Variants in VRK2 observed in about 807,000 individuals in gnomAD.
VRK2 encodes the protein VRK serine/threonine kinase 2.
A neutral mutation model predicts 57.6 loss-of-function variants in VRK2; 60 were observed. That is an observed-to-expected ratio of 1.04 (90% CI 0.85 to 1.29). VRK2 has a LOEUF of 1.29. Among genes scored for constraint, VRK2 ranks in the 50% most tolerant of loss-of-function variants. The probability of loss-of-function intolerance (pLI) is 0.00; values close to 1 mark genes in which losing one functional copy is unlikely to be tolerated. For synonymous variants in VRK2, 231 were observed against 199.2 expected (o/e 1.16, Z -1.35); for missense variants, 705 against 588.1 (o/e 1.20, Z -2.06).
chr2:57,980,501 T>C (rs2104047878), intron 1 of VRK2, among the ~76,000 whole-genome samples: 1 of 152,268 alleles, frequency 6.6e-6, no homozygotes. Flanking sequence ...TGAAAAAATA[T>C]ATATAAATTC....
At chr2:58,059,910 G>T (rs920455933) in intron 2 of VRK2, among the ~76,000 whole-genome samples, 6 of 151,622 alleles carry the variant, frequency 4.0e-5, no homozygotes, top group African/African-American at 1.5e-4. Context: ...GCAGTTACAG[G>T]GATATGGGAT....
intron 2 of VRK2, among the ~76,000 whole-genome samples, chr2:58,031,667 C>G (rs562778571): frequency 1.3e-5 from 2 of 152,044 alleles, no homozygotes; most frequent in African/African-American, 4.8e-5. Context: ...CTCTGAAAAT[C>G]TAGGTAAAAC....
chr2:58,103,346 T>C (rs1674288379), intron 7 of VRK2, among the ~76,000 whole-genome samples: 1 of 151,304 alleles, frequency 6.6e-6, no homozygotes, highest in Non-Finnish European at 1.5e-5. Flanking sequence ...ATTGATAAAC[T>C]ACTGGCTACA....
At chr2:57,922,481 T>TGTGTGTGGGTGG (rs1670383345) in intron 1 of VRK2, among the ~76,000 whole-genome samples, 2 of 151,678 alleles carry the variant, frequency 1.3e-5, no homozygotes, top group South Asian at 4.2e-4. Context: ...TGTGTGTGTG[T>TGTGTGTGGGTGG]GTGTGTGATG....
intron 1 of VRK2, chr2:58,047,189 G>A (rs1415343766): frequency 3.8e-6 from 1 of 260,972 alleles, no homozygotes; most frequent in East Asian, 1.8e-4. Flanking sequence ...GTTGGGGCGC[G>A]GGGTTGGCCG....
chr2:58,150,370 G>C (rs1682814816), intron 12 of VRK2, among the ~76,000 whole-genome samples: 1 of 151,162 alleles, frequency 6.6e-6, no homozygotes, highest in South Asian at 2.1e-4. Flanking sequence ...TCTCATCTAA[G>C]TTTTCAAATT....
chr2:58,011,020 G>A (rs1186822498), intron 1 of VRK2, among the ~76,000 whole-genome samples: 1 of 152,150 alleles, frequency 6.6e-6, no homozygotes, highest in Non-Finnish European at 1.5e-5. Context: ...ACTCCATCAG[G>A]TGAAACTAGC....
intron 7 of VRK2, among the ~76,000 whole-genome samples, chr2:58,121,766 C>G (rs915476410): frequency 5.3e-5 from 8 of 152,098 alleles, no homozygotes; most frequent in African/African-American, 1.9e-4. Flanking sequence ...GAAATACTGC[C>G]TAAATCCCTT....
chr2:58,089,630 G>C lies in VRK2; in HGVS notation c.451-1G>C, dbSNP rs748185789. 6.4e-7 allele frequency: 1 copy of C among 1,570,584 alleles called. No homozygotes were observed. Among genetic ancestry groups the C allele is most frequent in the South Asian group, 1.2e-5 (1 of 86,526 alleles). On this transcript the variant is annotated splice_acceptor_variant, in intron 6 of 12. Coordinates refer to ENST00000340157, the MANE Select transcript of VRK2 (RefSeq NM_006296.7). LOFTEE classifies it high-confidence loss of function. ...CTTATTTTATCTATTTATTTTCACA[G>C]TTGGATGTACTGGAATATATACATG...
intron 1 of VRK2, among the ~76,000 whole-genome samples, chr2:58,000,722 C>A (rs1229657151): frequency 6.6e-6 from 1 of 152,158 alleles, no homozygotes; most frequent in Non-Finnish European, 1.5e-5. Flanking sequence ...AACAGTTGCT[C>A]ATTACTGCTC....
chr2:58,134,580 C>T (rs902860329), intron 9 of VRK2, among the ~76,000 whole-genome samples: 10 of 145,632 alleles, frequency 6.9e-5, no homozygotes, highest in Admixed American at 3.4e-4. Context: ...CACTGCAGTC[C>T]GCAGTCCGGC....
At chr2:57,924,223 T>C (rs577554516) in intron 1 of VRK2, among the ~76,000 whole-genome samples, 3 of 152,044 alleles carry the variant, frequency 2.0e-5, no homozygotes, top group Admixed American at 1.3e-4. Context: ...TGTGATTCCA[T>C]ATAAATTTTA....
chr2:57,964,847 T>C (rs1238064815), intron 1 of VRK2, among the ~76,000 whole-genome samples: 2 of 113,932 alleles, frequency 1.8e-5, no homozygotes, highest in East Asian at 6.0e-4. Flanking sequence ...ACCACTGCAC[T>C]CCAGCCTGGG....
At chr2:57,938,294 G>C (rs1259365752) in intron 1 of VRK2, among the ~76,000 whole-genome samples, 1 of 152,182 alleles carries the variant, frequency 6.6e-6, no homozygotes, top group East Asian at 1.9e-4. Context: ...TTAATTTTAT[G>C]TTAACAAATA....
At chr2:57,908,030 T>A (rs1669878532) in intron 1 of VRK2, among the ~76,000 whole-genome samples, 1 of 152,050 alleles carries the variant, frequency 6.6e-6, no homozygotes, top group African/African-American at 2.4e-5. Context: ...AGACTGTTTA[T>A]GAGAATATGA....
chr2:57,921,574 G>A (rs1670351491), intron 1 of VRK2, among the ~76,000 whole-genome samples: 1 of 152,020 alleles, frequency 6.6e-6, no homozygotes, highest in South Asian at 2.1e-4. Context: ...CTTAAACAAA[G>A]AGGAGAAAAA....
intron 1 of VRK2, among the ~76,000 whole-genome samples, chr2:57,995,329 C>A (rs1190245529): frequency 6.6e-6 from 1 of 152,160 alleles, no homozygotes; most frequent in East Asian, 1.9e-4. Context: ...ATTAATATCA[C>A]CACCAATCTC....
intron 3 of VRK2, among the ~76,000 whole-genome samples, chr2:58,040,373 GA>G (rs2103718796): frequency 6.6e-6 from 1 of 152,264 alleles, no homozygotes; most frequent in Non-Finnish European, 1.5e-5. Context: ...GATATCTAAA[GA>G]AAAATAAATC....
chr2:58,020,099 C>A (rs1405843020), intron 1 of VRK2, among the ~76,000 whole-genome samples: 1 of 152,174 alleles, frequency 6.6e-6, no homozygotes. Context: ...AATTAAGTGA[C>A]AATTAACAGA....
Sources: gnomAD v4.1 joint callset for allele counts (sites outside exome capture counted in the v4.1 genomes callset) on GRCh38, gnomAD v4.1.1 for gene constraint, MANE v1.5 for transcripts, NCBI Gene and HGNC (gene_info 2026-07-23, HGNC 2026-07-21) for gene names.